KAZN: variants seen among roughly 807,000 people sequenced by gnomAD.
The protein encoded by KAZN is kazrin.
A neutral mutation model predicts 87.4 loss-of-function variants in KAZN; 40 were observed. That is an observed-to-expected ratio of 0.46 (90% CI 0.36 to 0.60). The LOEUF is 0.60. Among genes scored for constraint, KAZN ranks in the 20% least tolerant of loss-of-function variants. KAZN has a pLI of 0.00. For synonymous variants in KAZN, 466 were observed against 458.3 expected, an observed-to-expected ratio of 1.02 and a Z score of -0.22; for missense variants, 898 against 1,073.9, an observed-to-expected ratio of 0.84 and a Z score of 2.29.
chr1:14,504,318 C>T (rs12736830), intron 2 of KAZN, among the ~76,000 whole-genome samples: 76,386 of 151,938 alleles, frequency 0.5, 19,634 homozygotes, highest in South Asian at 0.64. Flanking sequence ...GAGAGAAATT[C>T]GAAGAAAGCC....
At chr1:15,060,534 G>A in intron 6 of KAZN, 1 of 588,806 alleles carries the variant, frequency 1.7e-6, no homozygotes, top group Non-Finnish European at 2.9e-6. Context: ...AGAATCCAGA[G>A]GAAGCGGGCC....
intron 2 of KAZN, among the ~76,000 whole-genome samples, chr1:15,018,131 C>G (rs1164879448): frequency 6.6e-6 from 1 of 152,066 alleles, no homozygotes; most frequent in Non-Finnish European, 1.5e-5. Flanking sequence ...AAGTCTATCT[C>G]AGAAGTCTAA....
In KAZN at chr1:14,501,080, AAAATAAATAAATAAATAAATAAAT is replaced by A. The variant is rs148614828; in HGVS notation, c.250-97875_250-97852del. On this transcript the variant is annotated intron_variant, in intron 2 of 16. Transcript: ENST00000636203. ...CATAACCTAAAAAGAGCATCTGCAA[AAAATAAATAAATAAATAAATAAAT>A]AAATAAATAAATAAATAAATAAATA... 3.3e-3 allele frequency among the ~76,000 whole-genome samples: 466 copies of A among 141,048 alleles called. 3 individuals are homozygous for A. Among genetic ancestry groups the A allele is most frequent in the African/African-American group, 0.011 (429 of 38,534 alleles). The allele number at this position is 141,048 out of a possible 152,430, so 92.5% of individuals were successfully genotyped here.
chr1:14,901,150 C>T (rs1274277796), intron 1 of KAZN, among the ~76,000 whole-genome samples: 1 of 152,132 alleles, frequency 6.6e-6, no homozygotes, highest in East Asian at 1.9e-4. Flanking sequence ...TCGGGGACAA[C>T]TGGGGGAAGG....
intron 2 of KAZN, among the ~76,000 whole-genome samples, chr1:14,402,096 AAAAAG>A (rs760625015): frequency 6.6e-6 from 1 of 151,932 alleles, no homozygotes; most frequent in African/African-American, 2.4e-5. Flanking sequence ...TGTAAAAAAA[AAAAAG>A]AGAACATATA....
At chr1:14,000,836 G>T (rs1174803651) in intron 1 of KAZN, among the ~76,000 whole-genome samples, 2 of 151,460 alleles carry the variant, frequency 1.3e-5, no homozygotes, top group Non-Finnish European at 2.9e-5. Context: ...AGGCTGGAGT[G>T]CAGTGGCGGG....
At chr1:14,426,519 A>T (rs908965550) in intron 2 of KAZN, among the ~76,000 whole-genome samples, 2 of 152,218 alleles carry the variant, frequency 1.3e-5, no homozygotes, top group Non-Finnish European at 2.9e-5. Flanking sequence ...GAATGAAAGA[A>T]TGCTGCTCTG....
At chr1:14,259,527 C>G (rs893160275) in intron 2 of KAZN, among the ~76,000 whole-genome samples, 1 of 152,184 alleles carries the variant, frequency 6.6e-6, no homozygotes, top group Non-Finnish European at 1.5e-5. Flanking sequence ...GCCTCACCCC[C>G]CAAGTGGCCT....
chr1:14,518,996 G>A (rs1671439149), intron 2 of KAZN, among the ~76,000 whole-genome samples: 1 of 152,160 alleles, frequency 6.6e-6, no homozygotes, highest in Non-Finnish European at 1.5e-5. Context: ...CCTGAATAAT[G>A]AGGCAAGTAT....
chr1:14,114,509 C>T (rs1644569930), intron 1 of KAZN, among the ~76,000 whole-genome samples: 1 of 152,074 alleles, frequency 6.6e-6, no homozygotes, highest in Non-Finnish European at 1.5e-5. Flanking sequence ...TTTGCCCACC[C>T]CACCGTCGAT....
chr1:15,050,218 T>TAGAATAGAATAGAAC (rs1557757285), intron 4 of KAZN, among the ~76,000 whole-genome samples: 1 of 147,884 alleles, frequency 6.8e-6, no homozygotes, highest in Admixed American at 6.8e-5. Context: ...TAGAATAGAA[T>TAGAATAGAATAGAAC]AGAACCTTCC....
intron 1 of KAZN, among the ~76,000 whole-genome samples, chr1:14,816,534 G>T (rs1646569595): frequency 1.3e-5 from 2 of 152,148 alleles, no homozygotes; most frequent in Non-Finnish European, 2.9e-5. Flanking sequence ...CATGGCCGCG[G>T]ACTTCATGGC....
intron 1 of KAZN, among the ~76,000 whole-genome samples, chr1:14,851,653 C>T (rs1649458227): frequency 6.6e-6 from 1 of 152,232 alleles, no homozygotes; most frequent in South Asian, 2.1e-4. Context: ...CTTCCCACTT[C>T]CACCTGGGCG....
intron 1 of KAZN, among the ~76,000 whole-genome samples, chr1:14,808,198 G>C (rs1646283702): frequency 6.6e-6 from 1 of 151,768 alleles, no homozygotes; most frequent in South Asian, 2.1e-4. Context: ...GTATGTTCTA[G>C]ACCATGTGAC....
At chr1:14,429,713 A>G (rs10927432) in intron 2 of KAZN, among the ~76,000 whole-genome samples, 5,149 of 152,192 alleles carry the variant, frequency 0.034, 299 homozygotes, top group African/African-American at 0.12. Flanking sequence ...GCTTTATGTC[A>G]TGTAATACTC....
chr1:15,030,973 T>C (rs1212930681), intron 2 of KAZN, among the ~76,000 whole-genome samples: 1 of 152,224 alleles, frequency 6.6e-6, no homozygotes, highest in African/African-American at 2.4e-5. Context: ...CCTGGGGAGC[T>C]TATGTTGGAC....
intron 2 of KAZN, among the ~76,000 whole-genome samples, chr1:14,538,035 A>G (rs1394857166): frequency 2.0e-5 from 3 of 152,218 alleles, no homozygotes; most frequent in East Asian, 3.8e-4. Flanking sequence ...TTTGGATCAC[A>G]TTGAACCCTC....
chr1:15,004,503 T>A (rs1338449450), intron 2 of KAZN, among the ~76,000 whole-genome samples: 1 of 152,240 alleles, frequency 6.6e-6, no homozygotes, highest in Non-Finnish European at 1.5e-5. Flanking sequence ...GCCTCACCTG[T>A]GAACTGGGGA....
chr1:14,535,405 C>T (rs1232928213), intron 2 of KAZN, among the ~76,000 whole-genome samples: 1 of 152,206 alleles, frequency 6.6e-6, no homozygotes, highest in Non-Finnish European at 1.5e-5. Flanking sequence ...GGTGGGCTCA[C>T]GCCTGTAATC....
Sources: allele counts gnomAD v4.1 joint callset (sites outside exome capture counted in the v4.1 genomes callset), GRCh38; gene constraint gnomAD v4.1.1; transcripts MANE v1.5; gene names NCBI Gene and HGNC (gene_info 2026-07-23, HGNC 2026-07-21).